Variants in ANGPT2 observed in about 807,000 individuals in gnomAD.
ANGPT2 encodes angiopoietin-2.
Under a neutral mutation model 62.9 loss-of-function variants are expected in ANGPT2, and 28 were observed. The ratio of observed to expected loss-of-function variants is 0.44; its 90% confidence interval spans 0.33 to 0.61. The LOEUF (loss-of-function observed/expected upper bound fraction) is 0.61. Among genes scored for constraint, ANGPT2 ranks in the 20% least tolerant of loss-of-function variants. The pLI, the probability that ANGPT2 is intolerant of heterozygous loss-of-function variation, is 0.03. For synonymous variants in ANGPT2, 284 were observed against 207.8 expected, an observed-to-expected ratio of 1.37 and a Z score of -3.15; for missense variants, 727 against 594.9, an observed-to-expected ratio of 1.22 and a Z score of -2.31.
chr8:6,555,606 C>G (rs543820004), intron 1 of ANGPT2, among the ~76,000 whole-genome samples: 1 of 151,926 alleles, frequency 6.6e-6, no homozygotes, highest in Admixed American at 6.6e-5. Context: ...AGACTACAGG[C>G]ATGTACCACC....
chr8:6,516,561 T>G (rs1002004107), intron 5 of ANGPT2, among the ~76,000 whole-genome samples: 1 of 152,244 alleles, frequency 6.6e-6, no homozygotes, highest in African/African-American at 2.4e-5. Flanking sequence ...ATACTGCCTC[T>G]TATTTGCCTG....
At position 6,509,915 on chromosome 8, in the gene ANGPT2, G is replaced by T. The variant is rs868644884; in HGVS notation, c.1197-853C>A. 2.6e-5 allele frequency among the ~76,000 whole-genome samples: 4 copies of T among 152,146 alleles called. No homozygotes were observed. The East Asian group carries it at 5.8e-4, about 22-fold the overall frequency. ...TGACTGGGACCTGTGGCTCGCTGCCGCTGCCTGGCATCATGAGGGAGCATC... is the reference window on the plus strand; with the variant it reads ...TGACTGGGACCTGTGGCTCGCTGCCTCTGCCTGGCATCATGAGGGAGCATC... On this transcript the variant is annotated intron_variant, in intron 7 of 8. Coordinates refer to ENST00000629816, the MANE Select transcript of ANGPT2 (RefSeq NM_001118887.2).
chr8:6,554,617 CTA>C (rs1314116541), intron 1 of ANGPT2, among the ~76,000 whole-genome samples: 1 of 152,128 alleles, frequency 6.6e-6, no homozygotes, highest in African/African-American at 2.4e-5. Flanking sequence ...TAAATATCAA[CTA>C]TGAATATTTT....
chr8:6,507,572 C>CTTTTTTTTT (rs35163014), intron 8 of ANGPT2: 203 of 104,664 alleles, frequency 1.9e-3, no homozygotes, highest in Middle Eastern at 7.0e-3. Context: ...ACTTTCTTTT[C>CTTTTTTTTT]TTTTTTTTTT....
chr8:6,506,409 G>C (rs1813739063), intron 8 of ANGPT2, among the ~76,000 whole-genome samples: 1 of 151,948 alleles, frequency 6.6e-6, no homozygotes. Context: ...TACATTCTCA[G>C]TCCCTAAATC....
At chr8:6,510,163 T>TTC (rs1554517208) in intron 7 of ANGPT2, among the ~76,000 whole-genome samples, 1 of 151,308 alleles carries the variant, frequency 6.6e-6, no homozygotes, top group Non-Finnish European at 1.5e-5. Flanking sequence ...TTTTTCTTTT[T>TTC]TTTTTTTTAT....
intron 1 of ANGPT2, among the ~76,000 whole-genome samples, chr8:6,552,488 G>C (rs927617434): frequency 3.3e-5 from 5 of 152,198 alleles, no homozygotes; most frequent in African/African-American, 1.2e-4. Context: ...ATATAACTCT[G>C]AGGTATAGAA....
In ANGPT2 at chr8:6,514,154, A is replaced by C. The variant is rs534362117; in HGVS notation, c.1030-310T>G. On this transcript the variant is annotated intron_variant, in intron 6 of 8. Coordinates refer to ENST00000629816, the MANE Select transcript of ANGPT2 (RefSeq NM_001118887.2). ...AGCACCATTAAACAGTCGGCTTACCAAAAAAATGCTGAGTCCACCTTTAAA... is the reference window on the plus strand; with the variant it reads ...AGCACCATTAAACAGTCGGCTTACCCAAAAAATGCTGAGTCCACCTTTAAA... 4.6e-5 allele frequency among the ~76,000 whole-genome samples: 7 copies of C among 152,262 alleles called. No homozygotes were observed. In the Middle Eastern group the frequency reaches 0.01, roughly 222 times the overall value.
At chr8:6,503,888 A>C (rs939473447) in intron 8 of ANGPT2, among the ~76,000 whole-genome samples, 11 of 152,214 alleles carry the variant, frequency 7.2e-5, no homozygotes, top group Non-Finnish European at 1.6e-4. Context: ...GGGCTTGGCC[A>C]AAAACAGGAG....
Position 6,532,466 on chromosome 8 carries a change from T to C in ANGPT2, c.310A>G (p.Asn104Asp), listed in dbSNP as rs1345186798. 6.2e-7 allele frequency: 1 copy of C among 1,613,652 alleles called. No homozygotes were observed. Among genetic ancestry groups the C allele is most frequent in the South Asian group, 1.1e-5 (1 of 90,892 alleles). ...LMKLENYIQD[N>D]MKKEMVEIQQ... ...ATCTCTACCATTTCTTTCTTCATGT[T>C]GTCCTGGATATAATTCTCAAGCTAG... The change falls in exon 2 of 9, where the codon AAC becomes GAC. Residue 104 changes from asparagine to aspartate, a missense_variant. Physicochemically the swap from Asn to Asp is conservative, Grantham distance 23. Coordinates refer to ENST00000629816, the MANE Select transcript of ANGPT2 (RefSeq NM_001118887.2).
In ANGPT2 at chr8:6,508,920, A is replaced by C; in HGVS notation, c.1327+12T>G. On this transcript the variant is annotated intron_variant, in intron 8 of 8. Coordinates refer to ENST00000629816, the MANE Select transcript of ANGPT2 (RefSeq NM_001118887.2). The stretch of plus-strand genomic sequence containing the variant: ...TGCCAATACAAATAGGAAGACAGAA[A>C]GTCATCCCTACCTCCTGTTAGCATT... 1 of 1,614,056 alleles carries C rather than the reference A, an allele frequency of 6.2e-7. No individual in the cohort carries two copies. Among genetic ancestry groups the C allele is most frequent in the Non-Finnish European group, 8.5e-7 (1 of 1,179,986 alleles).
intron 1 of ANGPT2, among the ~76,000 whole-genome samples, chr8:6,548,857 C>T (rs1457662417): frequency 6.6e-6 from 1 of 152,190 alleles, no homozygotes; most frequent in East Asian, 1.9e-4. Flanking sequence ...TATTCCCACC[C>T]TCTTTTCCAT....
intron 2 of ANGPT2, among the ~76,000 whole-genome samples, chr8:6,529,290 C>A (rs1456293602): frequency 1.3e-5 from 2 of 152,158 alleles, no homozygotes; most frequent in Admixed American, 1.3e-4. Context: ...ATTTGATCGT[C>A]TCTCATTCTG....
rs377263854 is a variant in ANGPT2, at chr8:6,541,604, G to A, written c.289-9117C>T. Among the ~76,000 whole-genome samples the A allele has an allele frequency of 4.6e-5, 7 of 152,288 alleles. No individual in the cohort carries two copies. In the South Asian group the frequency reaches 6.2e-4, roughly 14 times the overall value. ...GTTATTCTGCAGACTTCTGCCATTC[G>A]TCTATTTTTTGGGATACTTTGTTAA... On this transcript the variant is annotated intron_variant, in intron 1 of 8. Transcript: ENST00000629816.
intron 2 of ANGPT2, among the ~76,000 whole-genome samples, chr8:6,530,231 G>C: frequency 6.6e-6 from 1 of 152,062 alleles, no homozygotes; most frequent in East Asian, 1.9e-4. Context: ...ATGGTGGCCA[G>C]GTACGGTGGC....
At chr8:6,562,509 A>G (rs2129575886) in intron 1 of ANGPT2, 138 bp downstream of exon 1, 1 of 694,432 alleles carries the variant, frequency 1.4e-6, no homozygotes, top group East Asian at 3.0e-5. Flanking sequence ...ATTTGAGGGT[A>G]CCAGCAACCC....
At chr8:6,527,447 A>G (rs910758467) in intron 3 of ANGPT2, 108 bp downstream of exon 3, 4 of 1,390,210 alleles carry the variant, frequency 2.9e-6, no homozygotes, top group Non-Finnish European at 3.9e-6. Context: ...TGACCCTTAC[A>G]CTAGACATGA....
chr8:6,556,859 G>T (rs1482485482), intron 1 of ANGPT2, among the ~76,000 whole-genome samples: 1 of 152,084 alleles, frequency 6.6e-6, no homozygotes, highest in Non-Finnish European at 1.5e-5. Context: ...AAAGCTCTAG[G>T]ATTACAGGTG....
chr8:6,504,040 C>T (rs1018433698), intron 8 of ANGPT2, among the ~76,000 whole-genome samples: 3 of 152,264 alleles, frequency 2.0e-5, no homozygotes, highest in African/African-American at 7.2e-5. Context: ...AAGCAGGGGC[C>T]GGGCGCAGTG....
Sources: gnomAD v4.1 joint callset for allele counts (sites outside exome capture counted in the v4.1 genomes callset) on GRCh38, gnomAD v4.1.1 for gene constraint, MANE v1.5 for transcripts, NCBI Gene and HGNC (gene_info 2026-07-23, HGNC 2026-07-21) for gene names.